Variants in RANBP2 observed in about 807,000 individuals in gnomAD.
RANBP2 encodes the protein RAN binding protein 2.
RANBP2 carries 57 observed loss-of-function variants against 303.6 expected under a neutral mutation model. The ratio of observed to expected loss-of-function variants is 0.19; its 90% CI spans 0.15 to 0.23. The LOEUF (loss-of-function observed/expected upper bound fraction) is 0.23. Ranked by LOEUF, RANBP2 falls within the 10% of genes least tolerant of loss-of-function variation. The probability of loss-of-function intolerance (pLI) is 1.00; values close to 1 mark genes in which losing one functional copy is unlikely to be tolerated. For synonymous variants in RANBP2, 1,167 were observed against 1,301.5 expected (o/e 0.90, Z 2.23); for missense variants, 3,138 against 3,780.8 (o/e 0.83, Z 4.46).
At chr2:108,842,016 G>C in the RANBP2 span, among the ~76,000 whole-genome samples, 2,813 of 151,864 alleles carry the variant, frequency 0.019, 99 homozygotes, top group African/African-American at 0.066. Context: ...GGAAGTAAAG[G>C]GTTTTTCTTG....
At chr2:109,669,404 A>G in the RANBP2 span, among the ~76,000 whole-genome samples, 51 of 152,228 alleles carry the variant, frequency 3.4e-4, no homozygotes, top group Non-Finnish European at 6.5e-4. Context: ...AGGAGAAACA[A>G]TATTTTCAAA....
At chr2:108,873,542 A>C in the RANBP2 span, 1 of 1,611,628 alleles carries the variant, frequency 6.2e-7, no homozygotes, top group Non-Finnish European at 8.5e-7. Context: ...TTGATCTTCA[A>C]ATACTAGAAA....
the RANBP2 span, among the ~76,000 whole-genome samples, chr2:109,307,489 T>C: frequency 6.7e-6 from 1 of 150,176 alleles, no homozygotes; most frequent in East Asian, 2.0e-4. Context: ...TAGTTACATA[T>C]GTATACATGT....
At chr2:109,187,757 A>G in the RANBP2 span, among the ~76,000 whole-genome samples, 1 of 152,090 alleles carries the variant, frequency 6.6e-6, no homozygotes, top group African/African-American at 2.4e-5. Context: ...ATATGTCTGT[A>G]TGTCCACACA....
chr2:108,782,576 A>T lies in RANBP2; in HGVS notation c.9083A>T (p.Glu3028Val). Residue 3028 changes from glutamate to valine, a missense_variant, in exon 28 of 29, where the codon GAA becomes GTA. By Grantham distance (121) the Glu-to-Val change is moderately radical (BLOSUM62 -2). This residue lies in a region of RANBP2 where 204 missense variants were observed against 228.4 expected (regional missense o/e 0.89). Transcript: ENST00000283195. ...CTTGCAGTGAGATTTAAAACTAAAG[A>T]AGTAGCTGATTGTTTCAAGAAAACA... Reference protein sequence around the residue: ...EQLAVRFKTKEVADCFKKTFE... With the variant: ...EQLAVRFKTKVVADCFKKTFE... The T allele has an allele frequency of 1.2e-6, 2 of 1,614,224 alleles. No individual in the cohort carries two copies.
the RANBP2 span, among the ~76,000 whole-genome samples, chr2:109,299,504 C>T: frequency 6.6e-6 from 1 of 152,012 alleles, no homozygotes; most frequent in African/African-American, 2.4e-5. Flanking sequence ...TGATGTACCC[C>T]TAGGCCTTAG....
At chr2:108,752,617 C>CAAAAAAAAAAAA (rs1247816984) in intron 12 of RANBP2, among the ~76,000 whole-genome samples, 14 of 40,398 alleles carry the variant, frequency 3.5e-4, no homozygotes, top group Middle Eastern at 0.015. Flanking sequence ...ACTAAAAATA[C>CAAAAAAAAAAAA]AAAAAAAAAA....
chr2:109,428,258 A>T, the RANBP2 span, among the ~76,000 whole-genome samples: 1 of 152,252 alleles, frequency 6.6e-6, no homozygotes, highest in African/African-American at 2.4e-5. Context: ...TAGAGGAGAA[A>T]GGGGATGAAA....
chr2:109,136,863 T>A, the RANBP2 span, among the ~76,000 whole-genome samples: 1 of 152,180 alleles, frequency 6.6e-6, no homozygotes, highest in African/African-American at 2.4e-5. Flanking sequence ...GTAAATGTGC[T>A]GCAGCCGGGC....
At chr2:109,144,214 G>A in the RANBP2 span, among the ~76,000 whole-genome samples, 1 of 152,138 alleles carries the variant, frequency 6.6e-6, no homozygotes. Context: ...ACACCACGAA[G>A]GTAACCACGT....
the RANBP2 span, among the ~76,000 whole-genome samples, chr2:109,702,389 C>T: frequency 7.3e-4 from 111 of 152,338 alleles, 1 homozygote; most frequent in African/African-American, 2.6e-3. Flanking sequence ...ATCAGTGGCT[C>T]ATGCTTAGTC....
At chr2:109,567,047 T>C in the RANBP2 span, among the ~76,000 whole-genome samples, 10 of 152,100 alleles carry the variant, frequency 6.6e-5, no homozygotes, top group Non-Finnish European at 1.3e-4. Context: ...TTAGGTACAC[T>C]AATATAAAAG....
intron 25 of RANBP2, 149 bp downstream of exon 25, chr2:108,777,380 T>C: frequency 1.6e-6 from 1 of 635,178 alleles, no homozygotes; most frequent in Non-Finnish European, 2.7e-6. Flanking sequence ...GAAGGGCTTC[T>C]ACACTTTATT....
At chr2:109,170,979 C>T in the RANBP2 span, among the ~76,000 whole-genome samples, 7 of 152,144 alleles carry the variant, frequency 4.6e-5, no homozygotes, top group African/African-American at 1.4e-4. Context: ...GCACACAGGG[C>T]GCTCCCCACA....
the RANBP2 span, among the ~76,000 whole-genome samples, chr2:109,373,181 G>T: frequency 6.6e-6 from 1 of 152,188 alleles, no homozygotes; most frequent in African/African-American, 2.4e-5. Context: ...AAGTTTCCAT[G>T]TATTTGCACA....
chr2:109,304,375 A>G, the RANBP2 span, among the ~76,000 whole-genome samples: 1 of 152,140 alleles, frequency 6.6e-6, no homozygotes, highest in Non-Finnish European at 1.5e-5. Flanking sequence ...TTCGTTTAAC[A>G]TAATGTCCTC....
At chr2:109,178,024 C>G in the RANBP2 span, among the ~76,000 whole-genome samples, 1 of 152,114 alleles carries the variant, frequency 6.6e-6, no homozygotes, top group South Asian at 2.1e-4. Flanking sequence ...ATCTTTTCTC[C>G]CAATTGTTCA....
chr2:109,191,175 G>C, the RANBP2 span, among the ~76,000 whole-genome samples: 6 of 152,148 alleles, frequency 3.9e-5, no homozygotes, highest in African/African-American at 1.4e-4. Context: ...TATCAACCGG[G>C]TAGGAGGAAG....
At chr2:108,812,534 A>T in the RANBP2 span, 1 of 829,876 alleles carries the variant, frequency 1.2e-6, no homozygotes, top group Non-Finnish European at 2.0e-6. Flanking sequence ...TACATTGGTT[A>T]GTAATATCAA....
Sources: gnomAD v4.1 joint callset for allele counts (sites outside exome capture counted in the v4.1 genomes callset) on GRCh38, gnomAD v4.1.1 for gene constraint, gnomAD v4.1.1 regional missense constraint, MANE v1.5 for transcripts, NCBI Gene and HGNC (gene_info 2026-07-23, HGNC 2026-07-21) for gene names.